VPS13B: variants seen among roughly 807,000 people sequenced by gnomAD.
VPS13B encodes the protein intermembrane lipid transfer protein VPS13B.
VPS13B carries 285 observed loss-of-function variants against 426.4 expected under a neutral mutation model. The ratio of observed to expected loss-of-function variants is 0.67; its 90% CI spans 0.61 to 0.74. The LOEUF (loss-of-function observed/expected upper bound fraction) is 0.74, where lower values mean the gene tolerates loss of function less well. Ranked by LOEUF, VPS13B falls within the 30% of genes least tolerant of loss-of-function variation. VPS13B has a pLI of 0.00. For synonymous variants in VPS13B, 1,676 were observed against 1,676.4 expected (o/e 1.00, Z 0.01); for missense variants, 4,537 against 4,782.6 (o/e 0.95, Z 1.51).
At chr8:99,285,699 A>T (rs750808000) in intron 19 of VPS13B, among the ~76,000 whole-genome samples, 1 of 152,124 alleles carries the variant, frequency 6.6e-6, no homozygotes, top group Non-Finnish European at 1.5e-5. Context: ...GCAGATTTTG[A>T]AGTTGGCTGT....
chr8:99,413,940 G>A (rs566861574), intron 21 of VPS13B, among the ~76,000 whole-genome samples: 5 of 152,230 alleles, frequency 3.3e-5, no homozygotes, highest in Non-Finnish European at 7.4e-5. Context: ...ATGTCTATTA[G>A]GTCTGCTTGG....
rs145957852 is a variant in VPS13B, at chr8:99,795,749, G to A, written c.7941+11273G>A. Among the ~76,000 whole-genome samples the A allele has an allele frequency of 3.6e-3, 549 of 152,270 alleles. 3 individuals are homozygous for A. The highest frequency in any genetic ancestry group is 0.013 in the African/African-American group (520 of 41,552). Reference sequence around the variant, plus strand: ...AAAATACTTACCTACATGCCTTTTGGTAGGAGGCCTCAGCACTCCACTACA... The same window carrying A: ...AAAATACTTACCTACATGCCTTTTGATAGGAGGCCTCAGCACTCCACTACA... On this transcript the variant is annotated intron_variant, in intron 43 of 61. Coordinates refer to ENST00000357162, the MANE Select transcript of VPS13B (RefSeq NM_152564.5).
chr8:99,558,889 T>G (rs1360605808), intron 31 of VPS13B, among the ~76,000 whole-genome samples: 1 of 152,224 alleles, frequency 6.6e-6, no homozygotes, highest in Non-Finnish European at 1.5e-5. Flanking sequence ...TGTGTCTTTA[T>G]AGCAGCATGA....
chr8:99,080,313 G>A (rs1434464207), intron 3 of VPS13B, among the ~76,000 whole-genome samples: 1 of 151,738 alleles, frequency 6.6e-6, no homozygotes, highest in Non-Finnish European at 1.5e-5. Context: ...TTTGTTTCAT[G>A]TGAAATTTTC....
rs528989056 is a variant in VPS13B, at chr8:99,860,348, C to T, written c.11044+868C>T. On this transcript the variant is annotated intron_variant, in intron 57 of 61. Transcript: ENST00000357162. ...CCACGGACAATGAAAAGGACACTCC[C>T]CCAGGCCTCAAATCATCTGGGAGGA... 7.0e-4 allele frequency among the ~76,000 whole-genome samples: 107 copies of T among 152,268 alleles called. 1 individual carries two copies. In the Middle Eastern group the frequency reaches 0.01, roughly 15 times the overall value.
At chr8:99,044,312 T>G (rs928441767) in intron 3 of VPS13B, among the ~76,000 whole-genome samples, 1 of 151,862 alleles carries the variant, frequency 6.6e-6, no homozygotes, top group Non-Finnish European at 1.5e-5. Context: ...CTCTATCTCC[T>G]GACCTTGTGA....
chr8:99,608,826 G>T (rs1052083802), intron 33 of VPS13B, among the ~76,000 whole-genome samples: 1 of 151,960 alleles, frequency 6.6e-6, no homozygotes, highest in Non-Finnish European at 1.5e-5. Context: ...GCCTGTATCA[G>T]TATTTACTTT....
At chr8:99,425,999 G>A (rs1284534379) in intron 21 of VPS13B, among the ~76,000 whole-genome samples, 2 of 151,048 alleles carry the variant, frequency 1.3e-5, no homozygotes, top group Non-Finnish European at 2.9e-5. Context: ...CCATGCTGGT[G>A]CGCTGCACCC....
At chr8:99,399,605 G>A (rs1488382194) in intron 21 of VPS13B, among the ~76,000 whole-genome samples, 2 of 151,798 alleles carry the variant, frequency 1.3e-5, no homozygotes, top group East Asian at 1.9e-4. Context: ...AGCATCCTTC[G>A]GTCATCTCAT....
chr8:99,839,294 CA>C (rs1815556718), intron 54 of VPS13B, among the ~76,000 whole-genome samples: 1 of 152,166 alleles, frequency 6.6e-6, no homozygotes, highest in African/African-American at 2.4e-5. Context: ...GACAGTCCTT[CA>C]TGTTTCTACA....
At chr8:99,567,428 A>G (rs1825241777) in intron 31 of VPS13B, among the ~76,000 whole-genome samples, 1 of 150,826 alleles carries the variant, frequency 6.6e-6, no homozygotes, top group Non-Finnish European at 1.5e-5. Flanking sequence ...CATTACAAAT[A>G]TATTAACCTT....
chr8:99,335,370 G>A (rs1244419353), intron 19 of VPS13B, among the ~76,000 whole-genome samples: 2 of 152,032 alleles, frequency 1.3e-5, no homozygotes, highest in South Asian at 4.1e-4. Flanking sequence ...GTTCTGCTCT[G>A]ATTTTAGTTA....
chr8:99,818,935 T>A, intron 47 of VPS13B, 47 bp downstream of exon 47: 2 of 1,594,560 alleles, frequency 1.3e-6, no homozygotes, highest in Non-Finnish European at 8.6e-7. Context: ...CTAGGAGAAA[T>A]TAAGTAGAAA....
intron 6 of VPS13B, among the ~76,000 whole-genome samples, chr8:99,115,223 T>C (rs544557048): frequency 6.6e-6 from 1 of 152,106 alleles, no homozygotes; most frequent in Non-Finnish European, 1.5e-5. Flanking sequence ...AGTTAACATA[T>C]GGTTTTAGGA....
At chr8:99,664,474 C>T (rs1357002640) in intron 35 of VPS13B, among the ~76,000 whole-genome samples, 1 of 152,050 alleles carries the variant, frequency 6.6e-6, no homozygotes, top group Admixed American at 6.6e-5. Context: ...CCCTGACCCC[C>T]ACCCCACAAC....
intron 25 of VPS13B, 25 bp downstream of exon 25, chr8:99,481,827 A>G: frequency 6.2e-7 from 1 of 1,611,582 alleles, no homozygotes; most frequent in Non-Finnish European, 8.5e-7. Flanking sequence ...AAATCCTGTT[A>G]CAAAATGAAG....
chr8:99,656,332 A>T (rs1014315285), intron 34 of VPS13B, among the ~76,000 whole-genome samples: 1 of 152,172 alleles, frequency 6.6e-6, no homozygotes, highest in Non-Finnish European at 1.5e-5. Flanking sequence ...TTTCTTTGGC[A>T]TAGGGACAGG....
chr8:99,259,707 A>G (rs1006703779), intron 17 of VPS13B, among the ~76,000 whole-genome samples: 8 of 152,098 alleles, frequency 5.3e-5, no homozygotes, highest in Middle Eastern at 3.2e-3. Flanking sequence ...TACTGAGCTA[A>G]TAAGTTAAAA....
At chr8:99,014,110 CTTT>C (rs1211028912) in intron 2 of VPS13B, among the ~76,000 whole-genome samples, 175 bp downstream of exon 2, 5 of 72,310 alleles carry the variant, frequency 6.9e-5, no homozygotes, top group South Asian at 6.0e-4. Context: ...TTCTTTCTTT[CTTT>C]TTTTTTTTTT....
Sources: allele counts gnomAD v4.1 joint callset (sites outside exome capture counted in the v4.1 genomes callset), GRCh38; gene constraint gnomAD v4.1.1; transcripts MANE v1.5; gene names NCBI Gene and HGNC (gene_info 2026-07-23, HGNC 2026-07-21).